Variants in PDE3B observed in about 807,000 individuals in gnomAD.
PDE3B encodes cGMP-inhibited 3',5'-cyclic phosphodiesterase 3B.
A neutral mutation model predicts 116.8 loss-of-function variants in PDE3B; 66 were observed. The observed-to-expected ratio is 0.56, with a 90% CI of 0.46 to 0.69. The LOEUF is 0.69. Among genes scored for constraint, PDE3B ranks in the 30% least tolerant of loss-of-function variants. PDE3B has a pLI of 0.00. For missense variants in PDE3B, 1,384 were observed against 1,368.1 expected, an observed-to-expected ratio of 1.01 and a Z score of -0.18; for synonymous variants, 595 against 533.6, an observed-to-expected ratio of 1.12 and a Z score of -1.59.
chr11:14,778,762 C>T (rs1368520002), intron 2 of PDE3B, among the ~76,000 whole-genome samples: 2 of 152,204 alleles, frequency 1.3e-5, no homozygotes, highest in African/African-American at 4.8e-5. Context: ...AGTGCCCCTT[C>T]TCCTCCAAAG....
intron 1 of PDE3B, among the ~76,000 whole-genome samples, chr11:14,688,921 C>T (rs1854968520): frequency 6.6e-6 from 1 of 152,082 alleles, no homozygotes; most frequent in Non-Finnish European, 1.5e-5. Flanking sequence ...TATAGGTGCC[C>T]ACCACCATGC....
chr11:14,807,368 G>A (rs1858972891), intron 5 of PDE3B, among the ~76,000 whole-genome samples: 1 of 152,050 alleles, frequency 6.6e-6, no homozygotes, highest in African/African-American at 2.4e-5. Context: ...AGGGGTAAAT[G>A]GAATTAAATT....
At chr11:14,880,286 T>C in the PDE3B span, 107 of 1,613,258 alleles carry the variant, frequency 6.6e-5, no homozygotes, top group South Asian at 1.1e-3. Context: ...CCTTGATCCA[T>C]CTCATCTAAA....
chr11:14,843,628 G>T (rs2133973691), intron 11 of PDE3B, among the ~76,000 whole-genome samples, 199 bp from the exon 12 acceptor site: 1 of 152,206 alleles, frequency 6.6e-6, no homozygotes, highest in East Asian at 1.9e-4. Flanking sequence ...CAACTTCAGG[G>T]TCAGATTTAA....
chr11:14,667,014 G>A (rs998191279), intron 1 of PDE3B, among the ~76,000 whole-genome samples: 1 of 152,080 alleles, frequency 6.6e-6, no homozygotes, highest in African/African-American at 2.4e-5. Flanking sequence ...ATTCACAATA[G>A]CAAAGACTTG....
intron 4 of PDE3B, among the ~76,000 whole-genome samples, chr11:14,797,937 G>C (rs558188949): frequency 8.5e-5 from 13 of 152,212 alleles, no homozygotes; most frequent in African/African-American, 2.2e-4. Flanking sequence ...TCTCTTGCCC[G>C]ATTGCCCTGA....
At chr11:14,780,455 A>G (rs946212459) in intron 2 of PDE3B, among the ~76,000 whole-genome samples, 2 of 152,232 alleles carry the variant, frequency 1.3e-5, no homozygotes, top group African/African-American at 2.4e-5. Flanking sequence ...CAGAAATTAT[A>G]ACAAACTGTC....
intron 2 of PDE3B, chr11:14,773,044 C>T (rs1412593378): frequency 1.3e-5 from 2 of 151,924 alleles, no homozygotes; most frequent in Non-Finnish European, 2.9e-5. Flanking sequence ...TGTTTTTCTT[C>T]ATGAACTCAG....
intron 1 of PDE3B, among the ~76,000 whole-genome samples, chr11:14,714,723 G>C (rs1210499317): frequency 1.3e-5 from 2 of 152,080 alleles, no homozygotes; most frequent in African/African-American, 4.8e-5. Context: ...GCCACACATA[G>C]CTATTGAGTC....
intron 1 of PDE3B, among the ~76,000 whole-genome samples, chr11:14,728,903 G>A (rs548355725): frequency 6.6e-6 from 1 of 152,060 alleles, no homozygotes; most frequent in South Asian, 2.1e-4. Flanking sequence ...ATTATAGGAG[G>A]TCTTTTTTAA....
chr11:14,838,172 G>C (rs1172204053), intron 11 of PDE3B, among the ~76,000 whole-genome samples: 1 of 151,882 alleles, frequency 6.6e-6, no homozygotes, highest in Non-Finnish European at 1.5e-5. Context: ...GTGGAGACGG[G>C]TTTTCACCGT....
intron 14 of PDE3B, 113 bp downstream of exon 14, chr11:14,861,479 G>T: frequency 1.1e-6 from 1 of 942,550 alleles, no homozygotes; most frequent in Non-Finnish European, 1.6e-6. Context: ...GCTTTGACTG[G>T]GAAGGGTTAA....
intron 12 of PDE3B, among the ~76,000 whole-genome samples, chr11:14,844,733 G>A (rs1478670869): frequency 6.6e-6 from 1 of 152,220 alleles, no homozygotes; most frequent in Non-Finnish European, 1.5e-5. Flanking sequence ...CTCGCTGATT[G>A]CTAGCACAGC....
At chr11:14,808,477 A>G (rs1393975732) in intron 5 of PDE3B, among the ~76,000 whole-genome samples, 1 of 152,248 alleles carries the variant, frequency 6.6e-6, no homozygotes, top group African/African-American at 2.4e-5. Flanking sequence ...TTTTAGACTT[A>G]GTATAAAACA....
chr11:14,789,357 A>G (rs1858315410), intron 4 of PDE3B, 115 bp downstream of exon 4: 1 of 711,142 alleles, frequency 1.4e-6, no homozygotes, highest in African/African-American at 1.8e-5. Flanking sequence ...TATTTTAGGT[A>G]TAGGACAACA....
chr11:14,669,524 T>TA (rs1439282926), intron 1 of PDE3B, among the ~76,000 whole-genome samples: 7 of 113,496 alleles, frequency 6.2e-5, no homozygotes, highest in Admixed American at 5.1e-4. Context: ...GCAGGTTTGT[T>TA]ACATATGTAT....
chr11:14,707,071 C>T (rs1384502024), intron 1 of PDE3B, among the ~76,000 whole-genome samples: 1 of 151,608 alleles, frequency 6.6e-6, no homozygotes, highest in Non-Finnish European at 1.5e-5. Flanking sequence ...TTGGACAAGA[C>T]AACACATAAA....
chr11:14,698,042 A>C (rs909812206), intron 1 of PDE3B, among the ~76,000 whole-genome samples: 2 of 151,842 alleles, frequency 1.3e-5, no homozygotes, highest in Non-Finnish European at 2.9e-5. Flanking sequence ...AGAAGTGATG[A>C]TAGTGGACAA....
At chr11:14,752,122 A>G (rs146595832) in intron 1 of PDE3B, among the ~76,000 whole-genome samples, 32 of 152,256 alleles carry the variant, frequency 2.1e-4, no homozygotes, top group African/African-American at 7.0e-4. Flanking sequence ...TTATTTTTAT[A>G]AATCAATTAC....
Sources: gnomAD v4.1 joint callset for allele counts (sites outside exome capture counted in the v4.1 genomes callset) on GRCh38, gnomAD v4.1.1 for gene constraint, MANE v1.5 for transcripts, NCBI Gene and HGNC (gene_info 2026-07-23, HGNC 2026-07-21) for gene names.